Variants in KCNQ3 observed in about 807,000 individuals in gnomAD.
KCNQ3 encodes potassium voltage-gated channel subfamily Q member 3, also known as potassium voltage-gated channel subfamily KQT member 3.
A neutral mutation model predicts 92.5 loss-of-function variants in KCNQ3; 30 were observed. That is an observed-to-expected ratio of 0.32 (90% CI 0.24 to 0.44). The LOEUF is 0.44. KCNQ3 is among the 20% of genes least tolerant of loss of function. The probability of loss-of-function intolerance (pLI) is 1.00; values close to 1 mark genes in which losing one functional copy is unlikely to be tolerated. For missense variants in KCNQ3, 913 were observed against 1,140.3 expected, an observed-to-expected ratio of 0.80 and a Z score of 2.87; for synonymous variants, 450 against 468.8, an observed-to-expected ratio of 0.96 and a Z score of 0.52.
chr8:132,269,962 A>G (rs1816101904), intron 1 of KCNQ3, among the ~76,000 whole-genome samples: 1 of 152,192 alleles, frequency 6.6e-6, no homozygotes, highest in South Asian at 2.1e-4. Flanking sequence ...ATCCAGACAT[A>G]TCTATATTAC....
chr8:132,389,951 T>C (rs1820005644), intron 1 of KCNQ3, among the ~76,000 whole-genome samples: 1 of 152,236 alleles, frequency 6.6e-6, no homozygotes, highest in African/African-American at 2.4e-5. Context: ...CACGCATGTA[T>C]GTTCCAAAAA....
At chr8:132,342,403 C>T (rs943416328) in intron 1 of KCNQ3, among the ~76,000 whole-genome samples, 7 of 152,008 alleles carry the variant, frequency 4.6e-5, no homozygotes, top group Admixed American at 2.0e-4. Flanking sequence ...TTCTCAGGTG[C>T]GGTGCCAGAG....
intron 1 of KCNQ3, among the ~76,000 whole-genome samples, chr8:132,365,410 G>A (rs779166984): frequency 1.3e-5 from 2 of 152,204 alleles, no homozygotes; most frequent in Non-Finnish European, 1.5e-5. Context: ...GACAATGAGC[G>A]TGGGTGCCTG....
intron 1 of KCNQ3, among the ~76,000 whole-genome samples, chr8:132,435,944 C>T (rs1821383704): frequency 6.6e-6 from 1 of 152,176 alleles, no homozygotes; most frequent in Non-Finnish European, 1.5e-5. Context: ...CACGGTCCTG[C>T]CCCAGCTCTG....
chr8:132,247,830 A>G (rs1469312106), intron 1 of KCNQ3, among the ~76,000 whole-genome samples: 1 of 152,048 alleles, frequency 6.6e-6, no homozygotes, highest in East Asian at 1.9e-4. Context: ...TATTTCATTC[A>G]GCCTGATCGG....
intron 1 of KCNQ3, among the ~76,000 whole-genome samples, chr8:132,227,668 C>T (rs576821308): frequency 3.3e-5 from 5 of 152,300 alleles, no homozygotes; most frequent in East Asian, 1.9e-4. Context: ...ACTACACTGG[C>T]GGTGCCGGGG....
At position 132,161,394 on chromosome 8, in the gene KCNQ3, C is replaced by T. The variant is rs1362881615; in HGVS notation, c.1262+2074G>A. Among the ~76,000 whole-genome samples the T allele has an allele frequency of 1.2e-4, 19 of 152,074 alleles. 1 individual carries two copies. Among genetic ancestry groups the T allele is most frequent in the Admixed American group, 1.2e-3 (19 of 15,272 alleles). On this transcript the variant is annotated intron_variant, in intron 9 of 14. Transcript: ENST00000388996. Reference sequence around the variant, plus strand: ...CTGTAATCCCAGCACTATGGGAGACCAAGACGGGCGGATCACCTGAGGTCA... The same window carrying T: ...CTGTAATCCCAGCACTATGGGAGACTAAGACGGGCGGATCACCTGAGGTCA...
rs996701070 is a variant in KCNQ3 at position 132,402,289 on chromosome 8, C to A, written c.386+77858G>T. 5.3e-5 allele frequency among the ~76,000 whole-genome samples: 8 copies of A among 152,272 alleles called. No homozygotes were observed. In the South Asian group the frequency reaches 1.7e-3, roughly 32 times the overall value. On this transcript the variant is annotated intron_variant, in intron 1 of 14. Transcript: ENST00000388996. ...AGCTTGAGAACTGGCCCCCACTGCC[C>A]AGCCCCTTCCCACACTGCATTGTGT... is the stretch of plus-strand genomic sequence containing the variant.
chr8:132,246,705 T>C (rs1815191663), intron 1 of KCNQ3, among the ~76,000 whole-genome samples: 1 of 152,218 alleles, frequency 6.6e-6, no homozygotes, highest in Non-Finnish European at 1.5e-5. Context: ...CAGCACTTCC[T>C]GCCTTTATTT....
rs558732846 is a variant in KCNQ3, at chr8:132,124,258, C to T, written c.*5004G>A. On this transcript the variant is annotated 3_prime_UTR_variant, in exon 15 of 15. Transcript: ENST00000388996. ...TTTAATAATTAGGATTGTTTCTCCA[C>T]GATTCTTTTTCTGAAAAAAAATTTT... The T allele has an allele frequency of 2.3e-4, 35 of 150,880 alleles. 1 individual carries two copies. In the East Asian group the frequency reaches 4.2e-3, roughly 18 times the overall value. 9.3% of individuals were successfully genotyped at this position (150,880 alleles called of 1,614,324 possible).
intron 1 of KCNQ3, among the ~76,000 whole-genome samples, chr8:132,306,100 C>A (rs11990218): frequency 0.78 from 118,330 of 152,054 alleles, 46,501 homozygotes; most frequent in East Asian, 0.92. Flanking sequence ...CATGTCAATC[C>A]ATGTTTAGTG....
At chr8:132,314,505 A>T (rs897318503) in intron 1 of KCNQ3, among the ~76,000 whole-genome samples, 8 of 152,248 alleles carry the variant, frequency 5.3e-5, no homozygotes, top group African/African-American at 1.4e-4. Flanking sequence ...AGTTCAGAAA[A>T]ACAGAGTAAT....
At chr8:132,361,259 G>A (rs1221722639) in intron 1 of KCNQ3, among the ~76,000 whole-genome samples, 3 of 152,168 alleles carry the variant, frequency 2.0e-5, no homozygotes, top group Admixed American at 6.5e-5. Context: ...AGAGAACACT[G>A]CAAGCAAAGA....
intron 1 of KCNQ3, among the ~76,000 whole-genome samples, chr8:132,236,803 A>G (rs1360376899): frequency 6.6e-6 from 1 of 152,210 alleles, no homozygotes; most frequent in Non-Finnish European, 1.5e-5. Flanking sequence ...GGAGTAAGAA[A>G]TTTAAAATAA....
intron 1 of KCNQ3, among the ~76,000 whole-genome samples, chr8:132,314,310 C>T (rs1005950108): frequency 7.2e-5 from 11 of 152,124 alleles, no homozygotes; most frequent in Admixed American, 7.2e-4. Flanking sequence ...AAAGTCCCGA[C>T]ATTAAGTCGT....
rs1435417955 is a variant in KCNQ3, at chr8:132,126,456, A to AT, written c.*2805dup. ...GGTTTGGTTTGCCTTTCTGGAATAT[A>AT]TTTTTTGGGGAACAAAAGGAGAATA... On this transcript the variant is annotated 3_prime_UTR_variant, in exon 15 of 15. Coordinates refer to ENST00000388996, the MANE Select transcript of KCNQ3 (RefSeq NM_004519.4). 2.0e-5 allele frequency: 3 copies of AT among 152,266 alleles called. No individual in the cohort carries two copies. Among genetic ancestry groups the AT allele is most frequent in the South Asian group, 2.1e-4 (1 of 4,814 alleles). The allele number at this position is 152,266 out of a possible 1,614,324, so 9.4% of individuals were successfully genotyped here. A position where few individuals can be genotyped will look rare whatever the true frequency, so the allele number is the denominator to read the frequency against.
At position 132,122,169 on chromosome 8, in the gene KCNQ3, G is replaced by C. The variant is rs1482195064; in HGVS notation, c.*7093C>G. On this transcript the variant is annotated 3_prime_UTR_variant, in exon 15 of 15. Transcript: ENST00000388996. ...AATATGCAGCTCTACTTCTTACAATGTGTGACCTTTGACAAGGTCTTGTCT... is the reference window on the plus strand; with the variant it reads ...AATATGCAGCTCTACTTCTTACAATCTGTGACCTTTGACAAGGTCTTGTCT... 6.6e-6 allele frequency: 1 copy of C among 152,192 alleles called. No homozygotes were observed. Among genetic ancestry groups the C allele is most frequent in the Non-Finnish European group, 1.5e-5 (1 of 68,028 alleles). 9.4% of individuals were successfully genotyped at this position (152,192 alleles called of 1,614,324 possible). A position where few individuals can be genotyped will look rare whatever the true frequency, so the allele number is the denominator to read the frequency against.
intron 1 of KCNQ3, among the ~76,000 whole-genome samples, chr8:132,255,082 T>G (rs1169322695): frequency 6.6e-6 from 1 of 152,090 alleles, no homozygotes; most frequent in East Asian, 1.9e-4. Context: ...TGCATTTTAA[T>G]TTGCTTAATC....
intron 1 of KCNQ3, among the ~76,000 whole-genome samples, chr8:132,347,191 C>T (rs1337787969): frequency 6.6e-6 from 1 of 152,144 alleles, no homozygotes; most frequent in Admixed American, 6.5e-5. Flanking sequence ...AACAAATCAC[C>T]CAAGAATGAA....
Sources: allele counts gnomAD v4.1 joint callset (sites outside exome capture counted in the v4.1 genomes callset), GRCh38; gene constraint gnomAD v4.1.1; transcripts MANE v1.5; gene names NCBI Gene and HGNC (gene_info 2026-07-23, HGNC 2026-07-21).